The following DDX4 variants were observed in gnomAD, a reference collection of about 807,000 sequenced individuals.
DDX4 encodes probable ATP-dependent RNA helicase DDX4.
Under a neutral mutation model 100.0 loss-of-function variants are expected in DDX4, and 25 were observed. The observed-to-expected ratio is 0.25, with a 90% CI of 0.18 to 0.35. DDX4 has a LOEUF of 0.35. DDX4 is among the 10% of genes least tolerant of loss of function. The pLI is 1.00. For synonymous variants in DDX4, 259 were observed against 275.7 expected (o/e 0.94, Z 0.60); for missense variants, 635 against 882.4 (o/e 0.72, Z 3.55).
At chr5:55,789,800 T>C (rs926448235) in intron 15 of DDX4, among the ~76,000 whole-genome samples, 2 of 152,168 alleles carry the variant, frequency 1.3e-5, no homozygotes, top group African/African-American at 4.8e-5. Context: ...GAGGCCAGCC[T>C]TACCCACACT....
rs1168567891 is a variant in DDX4 at position 55,780,139 on chromosome 5, A to G, written c.496+74A>G. ...AAATGATTTAAAAAAATACGTATCA[A>G]AGAAGGTTGTTATGAGGATTATATG... is the stretch of plus-strand genomic sequence containing the variant. On this transcript the variant is annotated intron_variant, in intron 8 of 21. Transcript: ENST00000505374. 3.8e-6 allele frequency: 6 copies of G among 1,560,672 alleles called. No individual in the cohort carries two copies. In the East Asian group the frequency reaches 9.3e-5, roughly 24 times the overall value.
intron 3 of DDX4, chr5:55,750,469 G>GT (rs1561481417): frequency 7.5e-6 from 1 of 133,992 alleles, no homozygotes; most frequent in African/African-American, 3.5e-5. Flanking sequence ...TCATCTTTAT[G>GT]GGGGGGTGCA....
chr5:55,790,710 G>T lies in DDX4; in HGVS notation c.1302+5G>T, dbSNP rs534934971. The T allele has an allele frequency of 2.5e-6, 4 of 1,610,624 alleles. No homozygotes were observed. Among genetic ancestry groups the T allele is most frequent in the Non-Finnish European group, 3.4e-6 (4 of 1,177,732 alleles). ...GATATCATAGGCAAAGAAAAGGTAC[G>T]CCTTATAGGAATAATGAAGTTGTGA... is the stretch of plus-strand genomic sequence containing the variant. On this transcript the variant is annotated splice_donor_5th_base_variant and intron_variant, in intron 16 of 21. Transcript: ENST00000505374.
chr5:55,745,474 A>G (rs941846619), intron 2 of DDX4, among the ~76,000 whole-genome samples: 1 of 151,874 alleles, frequency 6.6e-6, no homozygotes, highest in African/African-American at 2.4e-5. Context: ...CCCAGGCTGG[A>G]GTGAGTGGTG....
At chr5:55,812,876 A>G (rs971395627) in intron 18 of DDX4, among the ~76,000 whole-genome samples, 24 of 151,506 alleles carry the variant, frequency 1.6e-4, no homozygotes, top group Non-Finnish European at 1.0e-4. Context: ...CGCATTTCCA[A>G]CAGAAACATG....
chr5:55,741,200 G>A (rs1337487981), intron 2 of DDX4, among the ~76,000 whole-genome samples: 1 of 152,084 alleles, frequency 6.6e-6, no homozygotes, highest in East Asian at 1.9e-4. Context: ...TTATTGCATT[G>A]GGTTTCTGAA....
rs75569026 is a variant in DDX4 at position 55,797,857 on chromosome 5, T to C, written c.1470-569T>C. 3.0e-4 allele frequency among the ~76,000 whole-genome samples: 46 copies of C among 152,316 alleles called. No homozygotes were observed. The East Asian group carries it at 8.9e-3, about 29-fold the overall frequency. On this transcript the variant is annotated intron_variant, in intron 17 of 21. Coordinates refer to ENST00000505374, the MANE Select transcript of DDX4 (RefSeq NM_024415.3). Reference sequence around the variant, plus strand: ...CCGCTATGTCCCTGGGCCTTTCATCTCGTCTCACTTGTTTTGCCCAATTGT... The same window carrying C: ...CCGCTATGTCCCTGGGCCTTTCATCCCGTCTCACTTGTTTTGCCCAATTGT...
At chr5:55,804,997 G>A (rs1193629357) in intron 18 of DDX4, among the ~76,000 whole-genome samples, 179 of 151,564 alleles carry the variant, frequency 1.2e-3, no homozygotes, top group African/African-American at 3.9e-3. Context: ...CTTTTATTTC[G>A]TTGAGCAGTG....
chr5:55,751,255 A>G (rs1401593511), intron 3 of DDX4, among the ~76,000 whole-genome samples: 1 of 152,072 alleles, frequency 6.6e-6, no homozygotes, highest in East Asian at 1.9e-4. Context: ...GTTTTTTGAG[A>G]CAGGGCCTTG....
At chr5:55,745,928 G>A (rs1759224477) in intron 2 of DDX4, among the ~76,000 whole-genome samples, 1 of 152,146 alleles carries the variant, frequency 6.6e-6, no homozygotes, top group Non-Finnish European at 1.5e-5. Flanking sequence ...GCTGGTGGCT[G>A]TAGTTTTCTG....
chr5:55,795,644 G>C (rs760797488), intron 17 of DDX4, among the ~76,000 whole-genome samples: 2 of 152,050 alleles, frequency 1.3e-5, no homozygotes, highest in South Asian at 2.1e-4. Context: ...GTGGTGACAC[G>C]CACCTGTAGG....
intron 17 of DDX4, among the ~76,000 whole-genome samples, chr5:55,796,637 C>T (rs1297807143): frequency 6.6e-6 from 1 of 152,042 alleles, no homozygotes; most frequent in African/African-American, 2.4e-5. Context: ...TGTTTCTAGT[C>T]TACTAGAGCT....
At chr5:55,808,605 A>G (rs961191251) in intron 18 of DDX4, among the ~76,000 whole-genome samples, 39 of 152,242 alleles carry the variant, frequency 2.6e-4, no homozygotes, top group Admixed American at 8.5e-4. Context: ...TTGCCTGGGT[A>G]TCAGCAGCGG....
At chr5:55,755,907 G>A (rs182237805) in intron 3 of DDX4, among the ~76,000 whole-genome samples, 62 of 152,084 alleles carry the variant, frequency 4.1e-4, no homozygotes, top group African/African-American at 8.2e-4. Context: ...TCCAGGCACC[G>A]TCCCTCTGTC....
chr5:55,756,421 G>A (rs1032388559), intron 3 of DDX4, among the ~76,000 whole-genome samples: 1 of 152,170 alleles, frequency 6.6e-6, no homozygotes. Flanking sequence ...TTGGGGTAAT[G>A]AAAGGGATTA....
intron 18 of DDX4, among the ~76,000 whole-genome samples, chr5:55,803,229 G>C (rs940447980): frequency 2.6e-5 from 4 of 151,298 alleles, no homozygotes; most frequent in African/African-American, 4.9e-5. Context: ...ATAGTTTGCT[G>C]AGAATGATGG....
At chr5:55,766,553 C>T (rs1389740906) in intron 6 of DDX4, among the ~76,000 whole-genome samples, 1 of 151,884 alleles carries the variant, frequency 6.6e-6, no homozygotes, top group Non-Finnish European at 1.5e-5. Context: ...TTAAGTCCTG[C>T]CTTCCAGAAA....
intron 3 of DDX4, among the ~76,000 whole-genome samples, chr5:55,755,589 G>A (rs768790866): frequency 1.6e-4 from 24 of 152,090 alleles, no homozygotes; most frequent in Non-Finnish European, 2.6e-4. Context: ...CTGTCATGTC[G>A]TCCTCACTTG....
At chr5:55,812,558 A>G (rs1427662275) in intron 18 of DDX4, among the ~76,000 whole-genome samples, 1 of 147,478 alleles carries the variant, frequency 6.8e-6, no homozygotes, top group East Asian at 2.0e-4. Context: ...GCGCCACTGC[A>G]CTCCAGCCTG....
Sources: allele counts gnomAD v4.1 joint callset (sites outside exome capture counted in the v4.1 genomes callset), GRCh38; gene constraint gnomAD v4.1.1; transcripts MANE v1.5; gene names NCBI Gene and HGNC (gene_info 2026-07-23, HGNC 2026-07-21).